The following GHRL variants were observed in gnomAD, a reference collection of about 807,000 sequenced individuals.
GHRL encodes the protein ghrelin and obestatin prepropeptide.
A neutral mutation model predicts 16.9 loss-of-function variants in GHRL; 24 were observed. That is an observed-to-expected ratio of 1.42 (90% CI 1.03 to 2.00). The LOEUF is 2.00. Ranked by LOEUF, GHRL falls within the 30% of genes most tolerant of loss-of-function variation. The pLI is 0.00. For synonymous variants in GHRL, 63 were observed against 58.2 expected (o/e 1.08, Z -0.37); for missense variants, 193 against 142.1 (o/e 1.36, Z -1.82).
chr3:10,289,740 A>C (rs756702651), intron 4 of GHRL, 22 bp downstream of exon 4: 6 of 1,432,464 alleles, frequency 4.2e-6, no homozygotes, highest in Non-Finnish European at 4.9e-6. Flanking sequence ...CCACAGAAGC[A>C]TAAAACTGCA....
At position 10,285,794 on chromosome 3, in the gene GHRL, G is replaced by T; in HGVS notation, c.*81C>A. ...CGCCTCCTGAGCTTGTACAACAGTC[G>T]TGGGAGTTGCTGCAGAAGCAAGCGA... On this transcript the variant is annotated 3_prime_UTR_variant, in exon 6 of 6. Transcript: ENST00000335542. 9.3e-7 allele frequency: 1 copy of T among 1,074,868 alleles called. No individual in the cohort carries two copies. Among genetic ancestry groups the T allele is most frequent in the Non-Finnish European group, 1.5e-6 (1 of 689,284 alleles). The allele number at this position is 1,074,868 out of a possible 1,614,324, so 66.6% of individuals were successfully genotyped here. A position where few individuals can be genotyped will look rare whatever the true frequency, so the allele number is the denominator to read the frequency against.
chr3:10,290,157 G>A lies in GHRL; in HGVS notation c.24C>T (p.Cys8=). The part of the protein sequence containing the change: MPSPGTV[C]SLLLLGMLWL... ...AGAGCATGCCGAGGAGCAGGAGGCT[G>A]CAGACGGTCCCTGGGGAGGGCATGG... The change falls in exon 3 of 6, where the codon TGC becomes TGT. Residue 8 remains cysteine (C), a synonymous_variant. Coordinates refer to ENST00000335542, the MANE Select transcript of GHRL (RefSeq NM_016362.5). The A allele has an allele frequency of 1.2e-6, 2 of 1,612,598 alleles. No homozygotes were observed. Among genetic ancestry groups the A allele is most frequent in the Non-Finnish European group, 1.7e-6 (2 of 1,179,728 alleles).
intron 4 of GHRL, 89 bp downstream of exon 4, chr3:10,289,673 C>T: frequency 1.2e-6 from 1 of 840,400 alleles, no homozygotes; most frequent in Non-Finnish European, 2.1e-6. Flanking sequence ...AGTTGGGACC[C>T]TGTTCACTGC....
At chr3:10,287,970 C>T (rs796716791) in intron 4 of GHRL, 8 of 144,188 alleles carry the variant, frequency 5.5e-5, no homozygotes, top group African/African-American at 1.8e-4. Context: ...CCATTCCCTC[C>T]AGTAAATACT....
At chr3:10,288,493 A>G (rs997289843) in intron 4 of GHRL, among the ~76,000 whole-genome samples, 1 of 152,136 alleles carries the variant, frequency 6.6e-6, no homozygotes, top group Non-Finnish European at 1.5e-5. Context: ...CCTCTTTCTC[A>G]TCTGGGTACT....
At chr3:10,289,187 C>T (rs1576061516) in intron 4 of GHRL, among the ~76,000 whole-genome samples, 1 of 152,222 alleles carries the variant, frequency 6.6e-6, no homozygotes, top group South Asian at 2.1e-4. Flanking sequence ...TCCTTTACTC[C>T]CTCCTCCTCT....
chr3:10,292,789 A>G, intron 1 of GHRL, 53 bp downstream of exon 1: 1 of 1,128,486 alleles, frequency 8.9e-7, no homozygotes, highest in East Asian at 2.6e-5. Context: ...CCAAACAGAA[A>G]AATCCTAACT....
intron 1 of GHRL, chr3:10,292,600 A>G (rs1374424435): frequency 4.0e-6 from 2 of 499,900 alleles, no homozygotes; most frequent in Non-Finnish European, 7.0e-6. Context: ...CTTTAGTCCC[A>G]GCAACATATG....
In GHRL at chr3:10,291,465, A is replaced by T. The variant is rs1700008773; in HGVS notation, c.-765-14T>A. The T allele has an allele frequency of 1.0e-6, 1 of 985,324 alleles. No individual in the cohort carries two copies. Among genetic ancestry groups the T allele is most frequent in the Non-Finnish European group, 1.2e-6 (1 of 829,952 alleles). 61.0% of individuals were successfully genotyped at this position (985,324 alleles called of 1,614,324 possible). Reference sequence around the variant, plus strand: ...AGTGCATTGGACCTGGAGGTGGAAGATCTACGCTTAGCACGGGCCTGGCTC... The same window carrying T: ...AGTGCATTGGACCTGGAGGTGGAAGTTCTACGCTTAGCACGGGCCTGGCTC... On this transcript the variant is annotated splice_polypyrimidine_tract_variant and intron_variant, in intron 1 of 5. Coordinates refer to ENST00000335542, the MANE Select transcript of GHRL (RefSeq NM_016362.5).
chr3:10,287,765 TG>T (rs1247619562), intron 4 of GHRL, among the ~76,000 whole-genome samples: 3 of 152,136 alleles, frequency 2.0e-5, no homozygotes, highest in African/African-American at 7.2e-5. Flanking sequence ...TGCCTCCCTG[TG>T]GGGTAGGCGC....
In GHRL at chr3:10,285,786, C is replaced by A; in HGVS notation, c.*89G>T. ...CATTTATTCGCCTCCTGAGCTTGTA[C>A]AACAGTCGTGGGAGTTGCTGCAGAA... On this transcript the variant is annotated 3_prime_UTR_variant, in exon 6 of 6. Coordinates refer to ENST00000335542, the MANE Select transcript of GHRL (RefSeq NM_016362.5). 1 of 995,960 alleles carries A rather than the reference C, an allele frequency of 1.0e-6. No individual in the cohort carries two copies. The allele number at this position is 995,960 out of a possible 1,614,324, so 61.7% of individuals were successfully genotyped here.
rs533153287 is a variant in GHRL, at chr3:10,289,760, A to G, written c.225+2T>C. 2 of 1,573,286 alleles carry G rather than the reference A, an allele frequency of 1.3e-6. No homozygotes were observed. Among genetic ancestry groups the G allele is most frequent in the South Asian group, 1.1e-5 (1 of 90,228 alleles). ...GAAGCATAAAACTGCAGAGGTACCG[A>G]CCCGGACTTCCAGTTCATCCTCTGC... is the stretch of plus-strand genomic sequence containing the variant. On this transcript the variant is annotated splice_donor_variant, in intron 4 of 5. Transcript: ENST00000335542. LOFTEE classifies it high-confidence loss of function.
At chr3:10,292,758 A>T in intron 1 of GHRL, 84 bp downstream of exon 1, 1 of 787,750 alleles carries the variant, frequency 1.3e-6, no homozygotes, top group Non-Finnish European at 2.1e-6. Flanking sequence ...CAGAGCCACC[A>T]ACCCATAAAA....
Position 10,286,813 on chromosome 3 carries a change from C to T in GHRL, c.226-1G>A, listed in dbSNP as rs1022848095. 4 of 1,592,658 alleles carry T rather than the reference C, an allele frequency of 2.5e-6. No homozygotes were observed. Among genetic ancestry groups the T allele is most frequent in the Non-Finnish European group, 3.4e-6 (4 of 1,160,482 alleles). ...TTCCAACATCAAAGGGGGCGTTGAA[C>T]TAGGAGGCAGGGCAGGGAGGACCCA... On this transcript the variant is annotated splice_acceptor_variant, in intron 4 of 5. Coordinates refer to ENST00000335542, the MANE Select transcript of GHRL (RefSeq NM_016362.5). LOFTEE classifies it high-confidence loss of function.
In GHRL at chr3:10,291,271, C is replaced by A. The variant is rs1019851252; in HGVS notation, c.-585G>T. ...GTTGAGCAGACTGCTCCTGATCATC[C>A]TCTCCAGAGAGTGGGTGTGGGGATA... On this transcript the variant is annotated 5_prime_UTR_variant, in exon 2 of 6. In the 5' UTR this introduces an upstream ATG that the reference lacks. Transcript: ENST00000335542. The A allele has an allele frequency of 6.1e-6, 6 of 985,522 alleles. No homozygotes were observed. The East Asian group carries it at 4.5e-4, about 75-fold the overall frequency. 61.0% of individuals were successfully genotyped at this position (985,522 alleles called of 1,614,324 possible). A position where few individuals can be genotyped will look rare whatever the true frequency, so the allele number is the denominator to read the frequency against.
At position 10,291,313 on chromosome 3, in the gene GHRL, A is replaced by G. The variant is rs1377699548; in HGVS notation, c.-627T>C. 2.5e-5 allele frequency: 25 copies of G among 985,382 alleles called. No homozygotes were observed. Among genetic ancestry groups the G allele is most frequent in the African/African-American group, 7.0e-5 (4 of 57,248 alleles). 61.0% of individuals were successfully genotyped at this position (985,382 alleles called of 1,614,324 possible). A position where few individuals can be genotyped will look rare whatever the true frequency, so the allele number is the denominator to read the frequency against. On this transcript the variant is annotated 5_prime_UTR_variant, in exon 2 of 6. It removes the in-frame stop codon of an upstream open reading frame in the 5' UTR. Transcript: ENST00000335542. ...GTGGGGATAACTTCAGCCAGTGGCTATGCTTCAGTCATTTCTGCCAGGTGT... is the reference window on the plus strand; with the variant it reads ...GTGGGGATAACTTCAGCCAGTGGCTGTGCTTCAGTCATTTCTGCCAGGTGT...
intron 4 of GHRL, 57 bp from the exon 5 acceptor site, chr3:10,286,869 C>T: frequency 9.8e-7 from 1 of 1,019,030 alleles, no homozygotes; most frequent in Non-Finnish European, 1.5e-6. Context: ...CCATCCCCAT[C>T]TCAAAGGGGG....
intron 4 of GHRL, among the ~76,000 whole-genome samples, chr3:10,288,944 A>G (rs1293914611): frequency 6.6e-6 from 1 of 152,166 alleles, no homozygotes; most frequent in Admixed American, 6.5e-5. Flanking sequence ...CCTTGGCTCT[A>G]AAGTGGGAGT....
intron 1 of GHRL, 103 bp from the exon 2 acceptor site, chr3:10,291,554 T>C: frequency 1.3e-6 from 1 of 757,298 alleles, no homozygotes; most frequent in Non-Finnish European, 1.6e-6. Context: ...TCTTTGAGGG[T>C]GAAATGAGGC....
Sources: gnomAD v4.1 joint callset for allele counts (sites outside exome capture counted in the v4.1 genomes callset) on GRCh38, gnomAD v4.1.1 for gene constraint, MANE v1.5 for transcripts, NCBI Gene and HGNC (gene_info 2026-07-23, HGNC 2026-07-21) for gene names.